TBC1D8: variants seen among roughly 807,000 people sequenced by gnomAD.
The protein encoded by TBC1D8 is TBC1 domain family member 8, also known as BUB2-like protein 1.
Under a neutral mutation model 118.8 loss-of-function variants are expected in TBC1D8, and 65 were observed. The ratio of observed to expected loss-of-function variants is 0.55; its 90% confidence interval spans 0.45 to 0.67. TBC1D8 has a LOEUF of 0.67. TBC1D8 is among the 30% of genes least tolerant of loss of function. The pLI is 0.00. For synonymous variants in TBC1D8, 566 were observed against 595.8 expected, an observed-to-expected ratio of 0.95 and a Z score of 0.73; for missense variants, 1,376 against 1,471.2, an observed-to-expected ratio of 0.94 and a Z score of 1.06.
At position 101,098,637 on chromosome 2, in the gene TBC1D8, C is replaced by A. The variant is rs1408845840; in HGVS notation, c.128-8273G>T. Among the ~76,000 whole-genome samples, 4 of 152,088 alleles carry A rather than the reference C, an allele frequency of 2.6e-5. No homozygotes were observed. The East Asian group carries it at 7.7e-4, about 29-fold the overall frequency. ...GAAGTAAAACACTCCTCAGCAAATA[C>A]AAAAGAACTAAAATCATAACACACA... On this transcript the variant is annotated intron_variant, in intron 1 of 19. Coordinates refer to ENST00000409318, the MANE Select transcript of TBC1D8 (RefSeq NM_001330348.2).
intron 2 of TBC1D8, 52 bp from the exon 3 acceptor site, chr2:101,059,591 T>C: frequency 7.2e-7 from 1 of 1,397,480 alleles, no homozygotes; most frequent in Admixed American, 1.8e-5. Flanking sequence ...ATAGAAGTAA[T>C]TCCTAGAACG....
chr2:101,033,520 C>T (rs763249626), intron 10 of TBC1D8, 24 bp downstream of exon 10: 32 of 1,613,222 alleles, frequency 2.0e-5, no homozygotes, highest in Non-Finnish European at 2.5e-5. Context: ...AGACTCTCTG[C>T]GCCCCAGAGC....
intron 1 of TBC1D8, among the ~76,000 whole-genome samples, chr2:101,143,364 T>C (rs1329209084): frequency 6.6e-6 from 1 of 152,140 alleles, no homozygotes; most frequent in African/African-American, 2.4e-5. Context: ...CACAGACACC[T>C]TTCCTTTTTT....
At chr2:101,064,372 C>G (rs558900568) in intron 2 of TBC1D8, among the ~76,000 whole-genome samples, 31 of 152,212 alleles carry the variant, frequency 2.0e-4, no homozygotes, top group Non-Finnish European at 4.4e-4. Context: ...TTCCCAGGCT[C>G]CAGAACTGTG....
chr2:101,066,907 A>G (rs1683043791), intron 2 of TBC1D8, among the ~76,000 whole-genome samples: 2 of 146,766 alleles, frequency 1.4e-5, no homozygotes, highest in Non-Finnish European at 3.0e-5. Context: ...ATCGAGTGCC[A>G]CTGCACTCCA....
chr2:101,141,832 A>T lies in TBC1D8; in HGVS notation c.127+9295T>A, dbSNP rs541212734. On this transcript the variant is annotated intron_variant, in intron 1 of 19. Coordinates refer to ENST00000409318, the MANE Select transcript of TBC1D8 (RefSeq NM_001330348.2). ...ACACACACACACACACACATACACA[A>T]GGCTCATAAAAAAAACTAAAAAAAA... 1.1e-4 allele frequency among the ~76,000 whole-genome samples: 17 copies of T among 149,944 alleles called. No individual in the cohort carries two copies. The South Asian group carries it at 3.4e-3, about 30-fold the overall frequency.
intron 1 of TBC1D8, among the ~76,000 whole-genome samples, chr2:101,120,870 C>T (rs775046762): frequency 6.6e-6 from 1 of 152,216 alleles, no homozygotes; most frequent in Non-Finnish European, 1.5e-5. Flanking sequence ...CATGCACACT[C>T]CCACGCCCAG....
In TBC1D8 at chr2:101,038,644, G is replaced by C; in HGVS notation, c.1092C>G (p.Ile364Met). ...IILPLREVVS[I>M]EKMEDTSLLP... ...GCAGGCTCGTGTCCTCCATCTTCTCGATGCTCACCACCTGCGCGAGAGGCA... is the reference window on the plus strand; with the variant it reads ...GCAGGCTCGTGTCCTCCATCTTCTCCATGCTCACCACCTGCGCGAGAGGCA... The change falls in exon 7 of 20, where the codon ATC becomes ATG. Residue 364 changes from isoleucine to methionine, a missense_variant. Coordinates refer to ENST00000409318, the MANE Select transcript of TBC1D8 (RefSeq NM_001330348.2). 6.2e-7 allele frequency: 1 copy of C among 1,613,934 alleles called. No individual in the cohort carries two copies.
chr2:101,022,312 G>T lies in TBC1D8; in HGVS notation c.2730C>A (p.Leu910=). ...FRLLDDNMDQ[L]IEFKAFVSCL... ...AGCTCACAAACGCTTTGAACTCGAT[G>T]AGCTGGTCCATGTTGTCATCCAAGA... The change falls in exon 16 of 20, where the codon CTC becomes CTA. Residue 910 remains leucine (L), a synonymous_variant. Coordinates refer to ENST00000409318, the MANE Select transcript of TBC1D8 (RefSeq NM_001330348.2). The T allele has an allele frequency of 6.2e-7, 1 of 1,613,004 alleles. No homozygotes were observed. The highest frequency in any genetic ancestry group is 8.5e-7 in the Non-Finnish European group (1 of 1,179,628).
intron 17 of TBC1D8, among the ~76,000 whole-genome samples, chr2:101,016,789 T>C (rs1363518840): frequency 6.6e-5 from 10 of 151,932 alleles, no homozygotes; most frequent in Admixed American, 6.6e-4. Flanking sequence ...ATGGATGAAA[T>C]TGGAAATCAT....
intron 1 of TBC1D8, among the ~76,000 whole-genome samples, chr2:101,133,481 A>G (rs1217542128): frequency 1.3e-5 from 2 of 152,142 alleles, no homozygotes; most frequent in Non-Finnish European, 2.9e-5. Context: ...TAGCTTATAA[A>G]TAACATAAAT....
At chr2:101,046,199 G>T (rs1681692391) in intron 5 of TBC1D8, among the ~76,000 whole-genome samples, 1 of 152,218 alleles carries the variant, frequency 6.6e-6, no homozygotes, top group Non-Finnish European at 1.5e-5. Context: ...GGATGAAGCT[G>T]CCATGCAGCT....
chr2:101,099,884 G>A (rs182820598), intron 1 of TBC1D8, among the ~76,000 whole-genome samples: 2 of 152,252 alleles, frequency 1.3e-5, no homozygotes, highest in Admixed American at 1.3e-4. Flanking sequence ...AGCTATTTAT[G>A]ACAAACCCAC....
intron 5 of TBC1D8, among the ~76,000 whole-genome samples, chr2:101,041,568 T>A (rs1198994221): frequency 2.6e-5 from 4 of 152,068 alleles, no homozygotes; most frequent in Non-Finnish European, 5.9e-5. Flanking sequence ...TGCTCATGGG[T>A]ACATGGTTTC....
At chr2:101,079,869 G>C (rs561424740) in intron 2 of TBC1D8, among the ~76,000 whole-genome samples, 1 of 151,856 alleles carries the variant, frequency 6.6e-6, no homozygotes, top group African/African-American at 2.4e-5. Context: ...TGTATTTTTA[G>C]TAGAGACGGG....
chr2:101,090,476 G>T, intron 1 of TBC1D8, 112 bp from the exon 2 acceptor site: 1 of 1,146,456 alleles, frequency 8.7e-7, no homozygotes, highest in Non-Finnish European at 1.2e-6. Context: ...AGCAGAGACA[G>T]TTTTACATCC....
At chr2:101,085,222 T>C (rs890698250) in intron 2 of TBC1D8, among the ~76,000 whole-genome samples, 2 of 151,992 alleles carry the variant, frequency 1.3e-5, no homozygotes, top group African/African-American at 2.4e-5. Flanking sequence ...CAATTAAGTA[T>C]CCAATAAAGG....
intron 5 of TBC1D8, among the ~76,000 whole-genome samples, chr2:101,045,760 G>A (rs138239214): frequency 0.047 from 7,225 of 152,206 alleles, 604 homozygotes; most frequent in African/African-American, 0.16. Flanking sequence ...TTGGGAGGCC[G>A]AGGCGAGAGG....
At chr2:101,012,938 A>C (rs1679339337) in intron 17 of TBC1D8, among the ~76,000 whole-genome samples, 1 of 152,246 alleles carries the variant, frequency 6.6e-6, no homozygotes, top group South Asian at 2.1e-4. Context: ...CAAACTGAAC[A>C]GGAGGAAAAT....
Sources: gnomAD v4.1 joint callset for allele counts (sites outside exome capture counted in the v4.1 genomes callset) on GRCh38, gnomAD v4.1.1 for gene constraint, MANE v1.5 for transcripts, NCBI Gene and HGNC (gene_info 2026-07-23, HGNC 2026-07-21) for gene names.